Variants in TRPC4AP observed in about 807,000 individuals in gnomAD.
TRPC4AP encodes short transient receptor potential channel 4-associated protein.
TRPC4AP carries 45 observed loss-of-function variants against 99.0 expected under a neutral mutation model. The observed-to-expected ratio is 0.45, with a 90% CI of 0.36 to 0.58. The LOEUF (loss-of-function observed/expected upper bound fraction) is 0.58, where lower values mean the gene tolerates loss of function less well. TRPC4AP is among the 20% of genes least tolerant of loss of function. TRPC4AP has a pLI of 0.00. For missense variants in TRPC4AP, 879 were observed against 985.3 expected (o/e 0.89, Z 1.44); for synonymous variants, 408 against 385.8 (o/e 1.06, Z -0.67).
chr20:35,060,023 C>T (rs1279675053), intron 3 of TRPC4AP, among the ~76,000 whole-genome samples: 1 of 151,844 alleles, frequency 6.6e-6, no homozygotes, highest in Non-Finnish European at 1.5e-5. Flanking sequence ...ACAAAAACAA[C>T]AATAACAAAA....
At chr20:35,035,529 G>A (rs566411471) in intron 7 of TRPC4AP, among the ~76,000 whole-genome samples, 2 of 152,252 alleles carry the variant, frequency 1.3e-5, no homozygotes, top group Admixed American at 1.3e-4. Context: ...TTTATCTACT[G>A]GGAATATAAA....
At chr20:35,089,365 T>C (rs924540198) in intron 1 of TRPC4AP, among the ~76,000 whole-genome samples, 7 of 151,080 alleles carry the variant, frequency 4.6e-5, no homozygotes, top group Admixed American at 1.3e-4. Flanking sequence ...CAGCTGGGAC[T>C]ACAGGCATGC....
At chr20:35,090,447 G>A (rs915873806) in intron 1 of TRPC4AP, among the ~76,000 whole-genome samples, 1 of 146,052 alleles carries the variant, frequency 6.8e-6, no homozygotes, top group African/African-American at 2.6e-5. Flanking sequence ...CGTGATCTCA[G>A]CTCACAACCT....
At chr20:35,092,497 G>A (rs1209758511) in intron 1 of TRPC4AP, 117 bp downstream of exon 1, 3 of 1,257,920 alleles carry the variant, frequency 2.4e-6, no homozygotes, top group African/African-American at 1.6e-5. Flanking sequence ...GAGGCCTTCC[G>A]GCCAGCCAAA....
intron 2 of TRPC4AP, among the ~76,000 whole-genome samples, chr20:35,072,422 AT>A (rs61542836): frequency 0.59 from 89,142 of 151,880 alleles, 27,142 homozygotes; most frequent in Middle Eastern, 0.74. Context: ...TAGGTCTAAC[AT>A]TTAAGTCTTT....
intron 1 of TRPC4AP, among the ~76,000 whole-genome samples, chr20:35,084,488 G>GTCTA (rs1569154642): frequency 4.3e-5 from 5 of 117,388 alleles, no homozygotes; most frequent in South Asian, 2.4e-4. Flanking sequence ...GTGTATATAT[G>GTCTA]TATATATCTA....
At chr20:35,043,571 G>A (rs2083490727) in intron 7 of TRPC4AP, among the ~76,000 whole-genome samples, 1 of 152,004 alleles carries the variant, frequency 6.6e-6, no homozygotes, top group Non-Finnish European at 1.5e-5. Flanking sequence ...TTGTACAGTA[G>A]TCCTCCCTTA....
intron 10 of TRPC4AP, among the ~76,000 whole-genome samples, chr20:35,013,510 G>A (rs1441358414): frequency 2.0e-5 from 3 of 152,074 alleles, no homozygotes; most frequent in South Asian, 2.1e-4. Flanking sequence ...CCTGGGAGGC[G>A]GAAGTTGCAG....
chr20:35,009,478 C>A (rs1600503187), intron 12 of TRPC4AP, among the ~76,000 whole-genome samples: 1 of 150,680 alleles, frequency 6.6e-6, no homozygotes, highest in South Asian at 2.1e-4. Context: ...CCCATCTCTA[C>A]AAAAAAAAAG....
intron 3 of TRPC4AP, among the ~76,000 whole-genome samples, chr20:35,066,956 TCA>T (rs2084161196): frequency 6.6e-6 from 1 of 152,076 alleles, no homozygotes; most frequent in Non-Finnish European, 1.5e-5. Flanking sequence ...ATATCCAATC[TCA>T]GTCATAGAAG....
chr20:35,052,363 A>G lies in TRPC4AP; in HGVS notation c.529-2369T>C, dbSNP rs573187389. ...CCTGCCTCGGCCTATCAAAGTGTTG[A>G]GATTATAGGTGTGAGCCACTGCGCC... On this transcript the variant is annotated intron_variant, in intron 5 of 18. Transcript: ENST00000252015. Among the ~76,000 whole-genome samples the G allele has an allele frequency of 5.9e-4, 90 of 151,868 alleles. 1 individual carries two copies. Among genetic ancestry groups the G allele is most frequent in the Admixed American group, 2.5e-3 (38 of 15,264 alleles).
At chr20:35,020,774 A>C (rs2082867449) in intron 9 of TRPC4AP, among the ~76,000 whole-genome samples, 1 of 152,124 alleles carries the variant, frequency 6.6e-6, no homozygotes, top group Non-Finnish European at 1.5e-5. Context: ...GGAACCTTGC[A>C]CATCTGGAGC....
chr20:35,003,981 G>A (rs536799306), intron 17 of TRPC4AP, among the ~76,000 whole-genome samples: 15 of 152,324 alleles, frequency 9.8e-5, no homozygotes, highest in Non-Finnish European at 1.9e-4. Flanking sequence ...TAGCCTGCGC[G>A]CCTCGGTGGG....
intron 1 of TRPC4AP, among the ~76,000 whole-genome samples, chr20:35,088,873 T>C (rs1195631965): frequency 1.3e-5 from 2 of 152,116 alleles, no homozygotes; most frequent in African/African-American, 4.8e-5. Context: ...TGGGGTTATC[T>C]AAAGTAGTCA....
At chr20:35,021,454 T>G in intron 8 of TRPC4AP, 98 bp from the exon 9 acceptor site, 2 of 1,369,480 alleles carry the variant, frequency 1.5e-6, no homozygotes, top group Non-Finnish European at 9.9e-7. Flanking sequence ...GCATGGCCAT[T>G]CGGCTGGGCC....
intron 7 of TRPC4AP, among the ~76,000 whole-genome samples, chr20:35,040,990 C>A (rs1327541023): frequency 8.5e-6 from 1 of 117,528 alleles, no homozygotes; most frequent in Non-Finnish European, 1.9e-5. Flanking sequence ...CAGAGATCTC[C>A]GTCTCTCCTC....
At chr20:35,035,359 A>T in intron 7 of TRPC4AP, 51 bp from the exon 8 acceptor site, 1 of 1,573,628 alleles carries the variant, frequency 6.4e-7, no homozygotes, top group Non-Finnish European at 8.7e-7. Flanking sequence ...GACCAGCAAA[A>T]CTACCCCTAA....
chr20:35,004,425 C>CGGGA, intron 17 of TRPC4AP, 33 bp downstream of exon 17: 2 of 1,584,216 alleles, frequency 1.3e-6, no homozygotes, highest in Non-Finnish European at 1.7e-6. Flanking sequence ...TCCAATCGAC[C>CGGGA]TTCCCTGCTG....
chr20:35,086,537 G>GTATATATATATATA (rs1289641922), intron 1 of TRPC4AP, among the ~76,000 whole-genome samples: 45 of 65,032 alleles, frequency 6.9e-4, no homozygotes, highest in Middle Eastern at 6.7e-3. Flanking sequence ...GTGTGTGTGT[G>GTATATATATATATA]TGTGTGTGTG....
Sources: allele counts gnomAD v4.1 joint callset (sites outside exome capture counted in the v4.1 genomes callset), GRCh38; gene constraint gnomAD v4.1.1; transcripts MANE v1.5; gene names NCBI Gene and HGNC (gene_info 2026-07-23, HGNC 2026-07-21).